Variants in FSD1L observed in about 807,000 individuals in gnomAD.
The protein encoded by FSD1L is fibronectin type III and SPRY domain containing 1 like, also known as FSD1-like protein.
Under a neutral mutation model 71.6 loss-of-function variants are expected in FSD1L, and 45 were observed. The observed-to-expected ratio is 0.63, with a 90% confidence interval of 0.49 to 0.81. FSD1L has a LOEUF of 0.81. FSD1L is among the 30% of genes least tolerant of loss of function. The pLI is 0.00. For missense variants in FSD1L, 561 were observed against 618.1 expected (o/e 0.91, Z 0.98); for synonymous variants, 197 against 207.2 (o/e 0.95, Z 0.42).
intron 7 of FSD1L, among the ~76,000 whole-genome samples, chr9:105,505,014 G>A (rs1236226413): frequency 6.6e-6 from 1 of 152,098 alleles, no homozygotes; most frequent in African/African-American, 2.4e-5. Flanking sequence ...TATAACTGAT[G>A]AATCAACAGT....
In FSD1L at chr9:105,546,929, C is replaced by G. The variant is rs982192157; in HGVS notation, c.*446C>G. 1 of 151,972 alleles carries G rather than the reference C, an allele frequency of 6.6e-6. No homozygotes were observed. The highest frequency in any genetic ancestry group is 6.6e-5 in the Admixed American group (1 of 15,248). The allele number at this position is 151,972 out of a possible 1,614,324, so 9.4% of individuals were successfully genotyped here. On this transcript the variant is annotated 3_prime_UTR_variant, in exon 14 of 14. Transcript: ENST00000481272. The stretch of plus-strand genomic sequence containing the variant: ...AGAAGCTTTAAAAATACATAGTCAT[C>G]CAAGGTTTTCTAAAAATTGAAATCA...
chr9:105,530,651 G>C (rs1377645191), intron 10 of FSD1L: 1 of 653,234 alleles, frequency 1.5e-6, no homozygotes, highest in African/African-American at 1.9e-5. Flanking sequence ...ATATTTTTCA[G>C]AATGCATGTT....
At chr9:105,469,036 C>T (rs2771042) in intron 4 of FSD1L, among the ~76,000 whole-genome samples, 103,312 of 152,074 alleles carry the variant, frequency 0.68, 35,451 homozygotes, top group African/African-American at 0.76. Flanking sequence ...CTTTTGTGAC[C>T]TATTTCCACT....
chr9:105,481,180 G>GTGTGTGTGTGTGT (rs1564098382), intron 6 of FSD1L, among the ~76,000 whole-genome samples: 1 of 30,770 alleles, frequency 3.2e-5, no homozygotes, highest in African/African-American at 1.7e-4. Flanking sequence ...TGTGTGTGTG[G>GTGTGTGTGTGTGT]TTCTTTTTTT....
At chr9:105,507,211 A>G (rs538540668) in intron 8 of FSD1L, among the ~76,000 whole-genome samples, 26 of 152,322 alleles carry the variant, frequency 1.7e-4, no homozygotes, top group African/African-American at 5.8e-4. Flanking sequence ...GATTACCTTC[A>G]TGTTAATAAT....
chr9:105,538,826 T>A (rs1228061485), intron 12 of FSD1L, among the ~76,000 whole-genome samples: 2 of 152,086 alleles, frequency 1.3e-5, no homozygotes, highest in Non-Finnish European at 2.9e-5. Context: ...TTTTAGAGAC[T>A]GGAGTATCAG....
At chr9:105,546,008 G>A (rs1320364721) in intron 13 of FSD1L, among the ~76,000 whole-genome samples, 2 of 152,108 alleles carry the variant, frequency 1.3e-5, no homozygotes, top group Admixed American at 6.6e-5. Flanking sequence ...AAGTAAGTTG[G>A]TGCTTTGTAT....
chr9:105,473,846 A>G (rs1363338495), intron 5 of FSD1L, among the ~76,000 whole-genome samples: 1 of 152,012 alleles, frequency 6.6e-6, no homozygotes, highest in East Asian at 1.9e-4. Flanking sequence ...ACTGTCCTTT[A>G]TTCTTTCCAG....
intron 10 of FSD1L, chr9:105,525,883 A>G (rs887401106): frequency 5.7e-6 from 9 of 1,565,990 alleles, no homozygotes; most frequent in Non-Finnish European, 7.0e-6. Context: ...AGTAGAAGTA[A>G]TATTTCACAT....
chr9:105,519,549 C>A (rs1279780645), intron 10 of FSD1L, among the ~76,000 whole-genome samples: 2 of 152,172 alleles, frequency 1.3e-5, no homozygotes, highest in African/African-American at 4.8e-5. Flanking sequence ...ATGACAAAAA[C>A]CACATGATTA....
At position 105,448,114 on chromosome 9, in the gene FSD1L, G is replaced by A. The variant is rs1829734697; in HGVS notation, c.-107G>A. On this transcript the variant is annotated 5_prime_UTR_variant, in exon 1 of 14. Transcript: ENST00000481272. ...GGTGGGGCCGGGCGGTGCCGGTGCGGGCTGGGGCAGTGCAGTGAGTAGCGG... is the reference window on the plus strand; with the variant it reads ...GGTGGGGCCGGGCGGTGCCGGTGCGAGCTGGGGCAGTGCAGTGAGTAGCGG... 8.0e-7 allele frequency: 1 copy of A among 1,247,030 alleles called. No homozygotes were observed. Among genetic ancestry groups the A allele is most frequent in the Non-Finnish European group, 1.1e-6 (1 of 878,888 alleles). The allele number at this position is 1,247,030 out of a possible 1,614,324, so 77.2% of individuals were successfully genotyped here.
At chr9:105,455,018 A>G (rs1362428538) in intron 1 of FSD1L, among the ~76,000 whole-genome samples, 1 of 152,190 alleles carries the variant, frequency 6.6e-6, no homozygotes, top group Non-Finnish European at 1.5e-5. Flanking sequence ...ACATCTGAGC[A>G]TGATACTTTT....
At chr9:105,494,062 A>G (rs1005880803) in intron 7 of FSD1L, among the ~76,000 whole-genome samples, 12 of 152,220 alleles carry the variant, frequency 7.9e-5, no homozygotes, top group South Asian at 2.1e-4. Flanking sequence ...TGCTAGATTG[A>G]GGAAGTTCTC....
At chr9:105,544,260 C>T (rs1305987970) in intron 13 of FSD1L, among the ~76,000 whole-genome samples, 1 of 152,160 alleles carries the variant, frequency 6.6e-6, no homozygotes, top group South Asian at 2.1e-4. Flanking sequence ...ATCCTTTGCC[C>T]ACTTTTTGAT....
chr9:105,460,591 C>CAA (rs35223160), intron 1 of FSD1L, among the ~76,000 whole-genome samples: 105 of 65,864 alleles, frequency 1.6e-3, no homozygotes, highest in African/African-American at 3.9e-3. Context: ...GACTCCATCT[C>CAA]AAAAAAAAAA....
intron 5 of FSD1L, 131 bp from the exon 6 acceptor site, chr9:105,479,223 T>G: frequency 3.0e-6 from 2 of 672,040 alleles, no homozygotes; most frequent in Non-Finnish European, 5.0e-6. Flanking sequence ...TTCTATAGTT[T>G]GTGTTTTGGT....
chr9:105,467,849 G>A (rs1831179128), intron 3 of FSD1L, among the ~76,000 whole-genome samples: 2 of 152,170 alleles, frequency 1.3e-5, no homozygotes, highest in Non-Finnish European at 2.9e-5. Flanking sequence ...AGAACCACTG[G>A]CTTAGAGTCT....
chr9:105,502,675 T>A (rs952849947), intron 7 of FSD1L, among the ~76,000 whole-genome samples: 2 of 151,956 alleles, frequency 1.3e-5, no homozygotes, highest in Non-Finnish European at 2.9e-5. Flanking sequence ...TAAAAAAAAA[T>A]GATTTAAAAC....
At chr9:105,461,827 A>G (rs1476068630) in intron 2 of FSD1L, among the ~76,000 whole-genome samples, 1 of 152,160 alleles carries the variant, frequency 6.6e-6, no homozygotes, top group African/African-American at 2.4e-5. Flanking sequence ...CAGCCTGGGC[A>G]ACATAGTGAG....
Sources: allele counts gnomAD v4.1 joint callset (sites outside exome capture counted in the v4.1 genomes callset), GRCh38; gene constraint gnomAD v4.1.1; transcripts MANE v1.5; gene names NCBI Gene and HGNC (gene_info 2026-07-23, HGNC 2026-07-21).